SALL3: variants seen among roughly 807,000 people sequenced by gnomAD.
SALL3 encodes the protein sal-like protein 3.
Under a neutral mutation model 66.2 loss-of-function variants are expected in SALL3, and 25 were observed. The observed-to-expected ratio is 0.38, with a 90% CI of 0.28 to 0.53. The LOEUF (loss-of-function observed/expected upper bound fraction) is 0.53, where lower values mean the gene tolerates loss of function less well. Ranked by LOEUF, SALL3 falls within the 20% of genes least tolerant of loss-of-function variation. The pLI is 0.85. For missense variants in SALL3, 2,194 were observed against 1,916.5 expected (o/e 1.14, Z -2.70); for synonymous variants, 1,152 against 899.1 (o/e 1.28, Z -5.03).
chr18:78,994,743 A>G lies in SALL3; in HGVS notation c.2752A>G (p.Lys918Glu). 6.2e-7 allele frequency: 1 copy of G among 1,602,734 alleles called. No individual in the cohort carries two copies. Among genetic ancestry groups the G allele is most frequent in the Non-Finnish European group, 8.5e-7 (1 of 1,179,006 alleles). Residue 918 changes from lysine (K) to glutamate (E), a missense_variant, in exon 2 of 3, where the codon AAG becomes GAG. Lys to Glu is a moderately conservative substitution (Grantham distance 56). Transcript: ENST00000537592. ...APSNGESFRSKSPGLGAPEEP... is the reference protein window; with the variant it reads ...APSNGESFRSESPGLGAPEEP... The stretch of plus-strand genomic sequence containing the variant: ...CAGCAATGGTGAGAGCTTCCGCTCC[A>G]AGTCCCCGGGCCTGGGCGCCCCGGA...
chr18:78,983,381 A>G (rs1455615284), intron 1 of SALL3, among the ~76,000 whole-genome samples: 2 of 152,256 alleles, frequency 1.3e-5, no homozygotes, highest in East Asian at 1.9e-4. Context: ...TCTTTATTGT[A>G]TAAAATATAA....
rs1464037223 is a variant in SALL3, at chr18:78,992,351, G to T, written c.360G>T (p.Ala120=). 7.3e-7 allele frequency: 1 copy of T among 1,372,626 alleles called. No individual in the cohort carries two copies. The highest frequency in any genetic ancestry group is 9.3e-7 in the Non-Finnish European group (1 of 1,071,070). The allele number at this position is 1,372,626 out of a possible 1,614,324, so 85.0% of individuals were successfully genotyped here. Residue 120 remains alanine (A), a synonymous_variant, in exon 2 of 3, where the codon GCG becomes GCT. Transcript: ENST00000537592. ...EAAEEAGAEG[A]EGEARPVEKE... ...CCGAGGAGGCGGGTGCGGAGGGCGC[G>T]GAGGGCGAGGCCAGGCCGGTGGAGA... is the stretch of plus-strand genomic sequence containing the variant.
intron 1 of SALL3, among the ~76,000 whole-genome samples, chr18:78,987,396 AT>A (rs890077766): frequency 6.0e-5 from 9 of 151,046 alleles, no homozygotes; most frequent in African/African-American, 2.0e-4. Context: ...GAAAATACAT[AT>A]TTTTTTTAAC....
rs551760398 is a variant in SALL3, at chr18:78,993,328, G to A, written c.1337G>A (p.Arg446Gln). The A allele has an allele frequency of 1.2e-6, 2 of 1,612,218 alleles. No homozygotes were observed. The highest frequency in any genetic ancestry group is 2.7e-5 in the African/African-American group (2 of 74,904). ...CACCTGCGCTCGCACACAGGCGAGC[G>A]GCCCTTCAAGTGCAACATCTGCGGG... ...QIHLRSHTGERPFKCNICGNR... is the reference protein window; with the variant it reads ...QIHLRSHTGEQPFKCNICGNR... Residue 446 changes from arginine (R) to glutamine (Q), a missense_variant, in exon 2 of 3, where the codon CGG (arginine) becomes CAG (glutamine). Transcript: ENST00000537592.
Position 78,994,751 on chromosome 18 carries a change from G to A in SALL3, c.2760G>A (p.Pro920=), listed in dbSNP as rs746321924. 6 of 1,601,874 alleles carry A rather than the reference G, an allele frequency of 3.7e-6. No homozygotes were observed. Among genetic ancestry groups the A allele is most frequent in the South Asian group, 2.2e-5 (2 of 90,772 alleles). The stretch of plus-strand genomic sequence containing the variant: ...GTGAGAGCTTCCGCTCCAAGTCCCC[G>A]GGCCTGGGCGCCCCGGAGGAGCCCC... ...SNGESFRSKS[P]GLGAPEEPQE... The change falls in exon 2 of 3, where the codon CCG becomes CCA. Residue 920 remains proline (P), a synonymous_variant. Coordinates refer to ENST00000537592, the MANE Select transcript of SALL3 (RefSeq NM_171999.4).
chr18:78,993,521 C>A lies in SALL3; in HGVS notation c.1530C>A (p.Thr510=). Residue 510 remains threonine (T), a synonymous_variant, in exon 2 of 3, where the codon ACC becomes ACA. Transcript: ENST00000537592. Reference sequence around the variant, plus strand: ...CGCTGCCCCCCGAGAAGCCCGTGACCACCTGGCTGGACAGCAAGCCCGTGC... The same window carrying A: ...CGCTGCCCCCCGAGAAGCCCGTGACAACCTGGCTGGACAGCAAGCCCGTGC... The part of the protein sequence containing the change: ...GMSLPPEKPV[T]TWLDSKPVLP... 6.3e-7 allele frequency: 1 copy of A among 1,599,604 alleles called. No homozygotes were observed. The highest frequency in any genetic ancestry group is 8.5e-7 in the Non-Finnish European group (1 of 1,175,250).
intron 1 of SALL3, among the ~76,000 whole-genome samples, chr18:78,989,692 G>A (rs1914361594): frequency 6.6e-6 from 1 of 152,166 alleles, no homozygotes; most frequent in Non-Finnish European, 1.5e-5. Flanking sequence ...TCTCCTGTAA[G>A]GAGTTAAGTG....
At position 78,992,190 on chromosome 18, in the gene SALL3, C is replaced by G. The variant is rs759467365; in HGVS notation, c.199C>G (p.Leu67Val). 3.7e-6 allele frequency: 6 copies of G among 1,610,502 alleles called. No individual in the cohort carries two copies. Among genetic ancestry groups the G allele is most frequent in the Admixed American group, 1.7e-5 (1 of 59,826 alleles). Residue 67 changes from leucine (L) to valine (V), a missense_variant, in exon 2 of 3, where the codon CTG becomes GTG. Transcript: ENST00000537592. ...CAEFFKWADF[L>V]EHQRSCTKLP... The stretch of plus-strand genomic sequence containing the variant: ...CGAGTTCTTCAAGTGGGCGGACTTC[C>G]TGGAGCACCAGCGGAGCTGCACCAA...
rs1443745414 is a variant in SALL3 at position 78,997,091 on chromosome 18, C to T, written c.3672C>T (p.Ala1224=). ...CTGCAGCCATCACTAACGGGCTCGC[C>T]ATGAAGAACAACGAGATCTCCGTCA... The part of the protein sequence containing the change: ...QYAAAITNGL[A]MKNNEISVIQ... The change falls in exon 3 of 3, where the codon GCC becomes GCT. Residue 1224 remains alanine, a synonymous_variant. Coordinates refer to ENST00000537592, the MANE Select transcript of SALL3 (RefSeq NM_171999.4). 6.2e-7 allele frequency: 1 copy of T among 1,614,102 alleles called. No homozygotes were observed. The highest frequency in any genetic ancestry group is 1.7e-5 in the Admixed American group (1 of 60,022).
chr18:78,992,597 G>T lies in SALL3; in HGVS notation c.606G>T (p.Val202=). 6.5e-7 allele frequency: 1 copy of T among 1,533,292 alleles called. No individual in the cohort carries two copies. Among genetic ancestry groups the T allele is most frequent in the Non-Finnish European group, 8.7e-7 (1 of 1,148,346 alleles). The allele number at this position is 1,533,292 out of a possible 1,614,324, so 95.0% of individuals were successfully genotyped here. A position where few individuals can be genotyped will look rare whatever the true frequency, so the allele number is the denominator to read the frequency against. The part of the protein sequence containing the change: ...GAGGGVAAAA[V]PLILEQLMAL... The stretch of plus-strand genomic sequence containing the variant: ...GTGGAGGCGTGGCAGCTGCAGCCGT[G>T]CCCCTGATCCTGGAACAGCTCATGG... The change falls in exon 2 of 3, where the codon GTG becomes GTT. Residue 202 remains valine, a synonymous_variant. Transcript: ENST00000537592.
At chr18:78,981,178 A>G (rs1365923762) in intron 1 of SALL3, among the ~76,000 whole-genome samples, 3 of 152,342 alleles carry the variant, frequency 2.0e-5, no homozygotes, top group African/African-American at 7.2e-5. Context: ...AGACTGGCAA[A>G]GGGCTGGACT....
At chr18:78,982,590 A>G (rs1914110854) in intron 1 of SALL3, among the ~76,000 whole-genome samples, 1 of 152,192 alleles carries the variant, frequency 6.6e-6, no homozygotes, top group Admixed American at 6.5e-5. Context: ...TTTGTGTATT[A>G]CTCGGTCGCA....
Position 78,997,131 on chromosome 18 carries a change from A to G in SALL3, c.3712A>G (p.Ile1238Val), listed in dbSNP as rs143287588. The change falls in exon 3 of 3, where the codon ATC (isoleucine) becomes GTC (valine). Residue 1238 changes from isoleucine to valine, a missense_variant. By Grantham distance (29) the Ile-to-Val change is conservative. Coordinates refer to ENST00000537592, the MANE Select transcript of SALL3 (RefSeq NM_171999.4). ...NEISVIQNGG[I>V]PQLPVSLGGS... ...GATCTCCGTCATCCAGAACGGCGGCATCCCCCAGCTCCCCGTGAGTCTTGG... is the reference window on the plus strand; with the variant it reads ...GATCTCCGTCATCCAGAACGGCGGCGTCCCCCAGCTCCCCGTGAGTCTTGG... 7.4e-6 allele frequency: 12 copies of G among 1,613,938 alleles called. No homozygotes were observed. The highest frequency in any genetic ancestry group is 1.0e-5 in the Non-Finnish European group (12 of 1,180,040).
chr18:78,981,305 C>A (rs1401582974), intron 1 of SALL3, among the ~76,000 whole-genome samples: 1 of 152,192 alleles, frequency 6.6e-6, no homozygotes, highest in Non-Finnish European at 1.5e-5. Context: ...CCCCAGGGCG[C>A]CAGGAAAGAG....
Position 78,992,938 on chromosome 18 carries a change from C to T in SALL3, c.947C>T (p.Ala316Val). The T allele has an allele frequency of 5.7e-6, 6 of 1,049,960 alleles. No individual in the cohort carries two copies. Among genetic ancestry groups the T allele is most frequent in the Non-Finnish European group, 6.9e-6 (6 of 871,824 alleles). The allele number at this position is 1,049,960 out of a possible 1,614,324, so 65.0% of individuals were successfully genotyped here. A position where few individuals can be genotyped will look rare whatever the true frequency, so the allele number is the denominator to read the frequency against. ...CCCAGCGCGCCCGCCGCCCCCAGCGCCGCCCCTGCCCCCGCTGCCCCCGCC... is the reference window on the plus strand; with the variant it reads ...CCCAGCGCGCCCGCCGCCCCCAGCGTCGCCCCTGCCCCCGCTGCCCCCGCC... ...AEPSAPAAPS[A>V]APAPAAPAPA... Residue 316 changes from alanine to valine, a missense_variant, in exon 2 of 3, where the codon GCC becomes GTC. By Grantham distance (64) the Ala-to-Val change is moderately conservative. Coordinates refer to ENST00000537592, the MANE Select transcript of SALL3 (RefSeq NM_171999.4).
intron 1 of SALL3, 86 bp downstream of exon 1, chr18:78,980,442 G>A: frequency 1.3e-6 from 1 of 796,022 alleles, no homozygotes; most frequent in Non-Finnish European, 1.7e-6. Context: ...GCGGATGCGC[G>A]CGTCCGGGAG....
At chr18:78,985,023 G>T (rs994026442) in intron 1 of SALL3, 11 of 152,384 alleles carry the variant, frequency 7.2e-5, no homozygotes, top group African/African-American at 1.9e-4. Flanking sequence ...TGTCTGAAAA[G>T]GTGGGGTTGC....
chr18:78,996,830 G>A (rs1914709941), intron 2 of SALL3, 61 bp from the exon 3 acceptor site: 16 of 1,496,624 alleles, frequency 1.1e-5, no homozygotes, highest in East Asian at 4.7e-5. Flanking sequence ...CGCTGGAAGC[G>A]GAGCAGCTCT....
intron 1 of SALL3, among the ~76,000 whole-genome samples, chr18:78,985,362 T>C (rs555611921): frequency 1.3e-3 from 201 of 152,344 alleles, no homozygotes; most frequent in Non-Finnish European, 2.3e-3. Flanking sequence ...TTTTGTGTCG[T>C]TATTGCATCT....
Sources: gnomAD v4.1 joint callset for allele counts (sites outside exome capture counted in the v4.1 genomes callset) on GRCh38, gnomAD v4.1.1 for gene constraint, MANE v1.5 for transcripts, NCBI Gene and HGNC (gene_info 2026-07-23, HGNC 2026-07-21) for gene names.